Variants in MYLK observed in about 807,000 individuals in gnomAD.
MYLK encodes myosin light chain kinase, also known as myosin light chain kinase, smooth muscle.
In MYLK, 106 loss-of-function variants were observed where a neutral mutation model predicts 203.4. The observed-to-expected ratio is 0.52, with a 90% CI of 0.45 to 0.61. The LOEUF is 0.61. MYLK is among the 20% of genes least tolerant of loss of function. MYLK has a pLI of 0.00. For missense variants in MYLK, 2,072 were observed against 2,442.3 expected (o/e 0.85, Z 3.20); for synonymous variants, 867 against 959.5 (o/e 0.90, Z 1.78).
chr3:123,624,175 T>G (rs957389516), intron 31 of MYLK: 3 of 151,546 alleles, frequency 2.0e-5, no homozygotes, highest in African/African-American at 7.3e-5. Flanking sequence ...GAAAAAAAAA[T>G]ATTAGCCGGT....
At chr3:123,866,292 G>A (rs1201018762) in intron 2 of MYLK, among the ~76,000 whole-genome samples, 1 of 152,144 alleles carries the variant, frequency 6.6e-6, no homozygotes, top group Non-Finnish European at 1.5e-5. Flanking sequence ...CTTGGCTAGG[G>A]GGCTGGAGCC....
intron 3 of MYLK, among the ~76,000 whole-genome samples, chr3:123,825,353 C>T (rs1393791886): frequency 1.3e-5 from 2 of 152,182 alleles, no homozygotes; most frequent in African/African-American, 2.4e-5. Context: ...CACCCAACCT[C>T]TGCAGATCTA....
chr3:123,641,032 C>T (rs1189537437), intron 27 of MYLK, among the ~76,000 whole-genome samples: 2 of 152,212 alleles, frequency 1.3e-5, no homozygotes, highest in African/African-American at 4.8e-5. Flanking sequence ...ACTCATTATA[C>T]CTACAGCTGT....
At chr3:123,718,911 C>T (rs550261366) in intron 13 of MYLK, among the ~76,000 whole-genome samples, 5 of 152,232 alleles carry the variant, frequency 3.3e-5, no homozygotes, top group South Asian at 2.1e-4. Flanking sequence ...TCAATATAGG[C>T]GCGCAGTAAA....
intron 16 of MYLK, among the ~76,000 whole-genome samples, chr3:123,706,063 G>A (rs1016594195): frequency 1.1e-4 from 17 of 152,100 alleles, no homozygotes; most frequent in African/African-American, 2.7e-4. Context: ...TGAGTGTACC[G>A]CTAATAATAG....
chr3:123,875,426 G>T (rs148793042), intron 2 of MYLK, among the ~76,000 whole-genome samples: 1 of 152,252 alleles, frequency 6.6e-6, no homozygotes, highest in East Asian at 1.9e-4. Flanking sequence ...AGAACACAGG[G>T]AGAGAAAGCA....
intron 5 of MYLK, among the ~76,000 whole-genome samples, chr3:123,744,311 T>A (rs2062950544): frequency 6.6e-6 from 1 of 152,232 alleles, no homozygotes; most frequent in African/African-American, 2.4e-5. Context: ...AATGGCAGAT[T>A]CTTGCATTAA....
At chr3:123,719,103 C>T (rs1490772434) in intron 13 of MYLK, among the ~76,000 whole-genome samples, 4 of 152,144 alleles carry the variant, frequency 2.6e-5, no homozygotes, top group East Asian at 3.9e-4. Context: ...GCAGAAATCG[C>T]GTCTGAGGGC....
intron 3 of MYLK, among the ~76,000 whole-genome samples, chr3:123,795,061 A>C (rs1056504135): frequency 2.6e-5 from 4 of 152,240 alleles, no homozygotes; most frequent in African/African-American, 7.2e-5. Context: ...AACCTGAAAT[A>C]AAAGTTTTTT....
chr3:123,792,793 C>G (rs1273668034), intron 4 of MYLK, among the ~76,000 whole-genome samples: 1 of 152,164 alleles, frequency 6.6e-6, no homozygotes, highest in Non-Finnish European at 1.5e-5. Flanking sequence ...AGGAACATCA[C>G]TAACATCCCC....
intron 30 of MYLK, among the ~76,000 whole-genome samples, chr3:123,627,614 T>C (rs2058211073): frequency 6.6e-6 from 1 of 152,162 alleles, no homozygotes; most frequent in Non-Finnish European, 1.5e-5. Flanking sequence ...CTAACATACA[T>C]AGAAAAATGA....
intron 3 of MYLK, among the ~76,000 whole-genome samples, chr3:123,811,643 T>C (rs1181557848): frequency 2.0e-5 from 3 of 152,100 alleles, no homozygotes; most frequent in Non-Finnish European, 1.5e-5. Context: ...TGCCTAGCAT[T>C]TATTGAGTGT....
At chr3:123,881,110 C>T (rs2033505756) in intron 1 of MYLK, among the ~76,000 whole-genome samples, 1 of 152,100 alleles carries the variant, frequency 6.6e-6, no homozygotes, top group Non-Finnish European at 1.5e-5. Context: ...CACTGCTTCC[C>T]CGCACAACCA....
At chr3:123,747,614 G>A (rs2063060753) in intron 5 of MYLK, among the ~76,000 whole-genome samples, 2 of 152,186 alleles carry the variant, frequency 1.3e-5, no homozygotes, top group Non-Finnish European at 2.9e-5. Flanking sequence ...GGCATCAACT[G>A]GCGGCTGGAA....
chr3:123,717,381 A>G (rs1280625786), intron 13 of MYLK, among the ~76,000 whole-genome samples: 1 of 152,334 alleles, frequency 6.6e-6, no homozygotes, highest in East Asian at 1.9e-4. Context: ...TACTCTAATA[A>G]ATATGCTTGT....
chr3:123,822,346 A>G (rs1270240097), intron 3 of MYLK, among the ~76,000 whole-genome samples: 1 of 152,186 alleles, frequency 6.6e-6, no homozygotes, highest in African/African-American at 2.4e-5. Context: ...AAACCTGGTC[A>G]AGAGAAGAGG....
chr3:123,656,286 G>A (rs574448018), intron 24 of MYLK, among the ~76,000 whole-genome samples: 27 of 152,292 alleles, frequency 1.8e-4, no homozygotes, highest in African/African-American at 6.3e-4. Flanking sequence ...CAACTGCACT[G>A]TGAATAGCAA....
Position 123,793,844 on chromosome 3 carries a change from T to C in MYLK, c.-3A>G. The C allele has an allele frequency of 6.2e-7, 1 of 1,614,116 alleles. No individual in the cohort carries two copies. Among genetic ancestry groups the C allele is most frequent in the Non-Finnish European group, 8.5e-7 (1 of 1,179,998 alleles). On this transcript the variant is annotated splice_region_variant and 5_prime_UTR_variant, in exon 4 of 34. Transcript: ENST00000360304. ...GCAACCAGCTTCACATCCCCCATGG[T>C]CTGCAAAAAGGAAGGAAGAGGACAA... is the stretch of plus-strand genomic sequence containing the variant.
intron 22 of MYLK, 101 bp from the exon 23 acceptor site, chr3:123,664,359 G>A: frequency 6.5e-7 from 1 of 1,532,586 alleles, no homozygotes; most frequent in Non-Finnish European, 9.0e-7. Flanking sequence ...GATGCAGCTG[G>A]ACAAGCTGTG....
Sources: gnomAD v4.1 joint callset for allele counts (sites outside exome capture counted in the v4.1 genomes callset) on GRCh38, gnomAD v4.1.1 for gene constraint, MANE v1.5 for transcripts, NCBI Gene and HGNC (gene_info 2026-07-23, HGNC 2026-07-21) for gene names.